Variants in WDR27 observed in about 807,000 individuals in gnomAD.
The protein encoded by WDR27 is WD repeat domain 27.
WDR27 carries 100 observed loss-of-function variants against 114.4 expected under a neutral mutation model. The observed-to-expected ratio is 0.87, with a 90% confidence interval of 0.74 to 1.03. The LOEUF is 1.03. WDR27 is among the 50% of genes least tolerant of loss of function. The probability of loss-of-function intolerance (pLI) is 0.00; values close to 1 mark genes in which losing one functional copy is unlikely to be tolerated. For synonymous variants in WDR27, 449 were observed against 423.1 expected, an observed-to-expected ratio of 1.06 and a Z score of -0.75; for missense variants, 1,129 against 1,092.9, an observed-to-expected ratio of 1.03 and a Z score of -0.47.
chr6:169,539,050 C>A (rs1796529188), intron 25 of WDR27, among the ~76,000 whole-genome samples: 1 of 152,198 alleles, frequency 6.6e-6, no homozygotes, highest in African/African-American at 2.4e-5. Flanking sequence ...AGTCCCTTAT[C>A]ATTAATAAGC....
chr6:169,668,334 G>A, intron 4 of WDR27, 149 bp from the exon 5 acceptor site: 1 of 755,328 alleles, frequency 1.3e-6, no homozygotes, highest in Non-Finnish European at 2.1e-6. Flanking sequence ...ACTGACTGGA[G>A]CTAACCCTGA....
At chr6:169,484,362 G>A (rs1374279911) in intron 25 of WDR27, among the ~76,000 whole-genome samples, 1 of 152,102 alleles carries the variant, frequency 6.6e-6, no homozygotes, top group Non-Finnish European at 1.5e-5. Flanking sequence ...AATATCACTA[G>A]CATTCTTACA....
intron 2 of WDR27, among the ~76,000 whole-genome samples, chr6:169,680,002 CA>C (rs1781094581): frequency 6.6e-6 from 1 of 152,088 alleles, no homozygotes; most frequent in Non-Finnish European, 1.5e-5. Flanking sequence ...AGAAGAGCAA[CA>C]TATTAAAAAC....
chr6:169,670,490 C>G (rs1778418084), intron 4 of WDR27, 79 bp downstream of exon 4: 1 of 1,552,890 alleles, frequency 6.4e-7, no homozygotes, highest in Non-Finnish European at 8.8e-7. Context: ...AAAGAAAAGA[C>G]CGCTGGGCAA....
Position 169,674,568 on chromosome 6 carries a change from A to ACC in WDR27, c.190-2173_190-2172insGG, listed in dbSNP as rs1779594248. On this transcript the variant is annotated intron_variant, in intron 2 of 25. Transcript: ENST00000448612. The stretch of plus-strand genomic sequence containing the variant: ...AAAAATACATTCATAACCATGAAAG[A>ACC]GTATCAGTGAGCTGTGGGAAACTTC... 5.3e-5 allele frequency among the ~76,000 whole-genome samples: 8 copies of ACC among 152,370 alleles called. No homozygotes were observed. In the South Asian group the frequency reaches 1.4e-3, roughly 28 times the overall value.
intron 22 of WDR27, among the ~76,000 whole-genome samples, chr6:169,611,104 C>T (rs1241537008): frequency 6.6e-6 from 1 of 151,986 alleles, no homozygotes; most frequent in East Asian, 1.9e-4. Context: ...GGGTCCTTGC[C>T]ATGAATGGAG....
intron 25 of WDR27, among the ~76,000 whole-genome samples, chr6:169,549,734 A>C (rs1435328521): frequency 2.0e-5 from 3 of 152,218 alleles, no homozygotes; most frequent in Non-Finnish European, 4.4e-5. Context: ...ACACAGAGGA[A>C]GCTTAAACAC....
intron 25 of WDR27, among the ~76,000 whole-genome samples, chr6:169,518,228 A>C (rs1402672959): frequency 6.6e-6 from 1 of 152,164 alleles, no homozygotes; most frequent in African/African-American, 2.4e-5. Flanking sequence ...CCCCATTCCC[A>C]CAGCTCCACT....
At chr6:169,458,815 G>C (rs1371792409) in intron 25 of WDR27, among the ~76,000 whole-genome samples, 1 of 149,280 alleles carries the variant, frequency 6.7e-6, no homozygotes, top group African/African-American at 2.5e-5. Flanking sequence ...CAAAGGAAAA[G>C]AAAACAAAAG....
At chr6:169,526,915 T>A (rs1318272825) in intron 25 of WDR27, among the ~76,000 whole-genome samples, 3 of 152,180 alleles carry the variant, frequency 2.0e-5, no homozygotes, top group Admixed American at 2.0e-4. Flanking sequence ...ATATTCAACA[T>A]CATTAATTAT....
chr6:169,611,827 T>C (rs898581686), intron 22 of WDR27, among the ~76,000 whole-genome samples: 1 of 152,152 alleles, frequency 6.6e-6, no homozygotes, highest in African/African-American at 2.4e-5. Context: ...CATGGAGCTG[T>C]CATCTCCCTC....
chr6:169,481,521 G>A (rs901994765), intron 25 of WDR27, among the ~76,000 whole-genome samples: 10 of 152,128 alleles, frequency 6.6e-5, no homozygotes, highest in African/African-American at 1.4e-4. Context: ...CTCACTCTTC[G>A]GGTTCGTGGC....
At chr6:169,494,323 C>T (rs1318820177) in intron 25 of WDR27, among the ~76,000 whole-genome samples, 2 of 152,218 alleles carry the variant, frequency 1.3e-5, no homozygotes, top group Admixed American at 1.3e-4. Flanking sequence ...TGCTTGACTA[C>T]CTTGAGCTAG....
intron 25 of WDR27, among the ~76,000 whole-genome samples, chr6:169,506,811 C>T (rs1482990454): frequency 6.6e-6 from 1 of 152,188 alleles, no homozygotes; most frequent in African/African-American, 2.4e-5. Flanking sequence ...ACAGATATTT[C>T]CACATGTGGC....
chr6:169,558,544 G>A (rs892703254), intron 25 of WDR27: 4 of 152,050 alleles, frequency 2.6e-5, no homozygotes, highest in African/African-American at 7.2e-5. Flanking sequence ...GGCAGTCATC[G>A]GGATGGCGGC....
intron 21 of WDR27, among the ~76,000 whole-genome samples, chr6:169,630,370 G>C (rs371134130): frequency 6.6e-6 from 1 of 152,102 alleles, no homozygotes; most frequent in African/African-American, 2.4e-5. Flanking sequence ...TCAAATCGGC[G>C]CATGTCAAGT....
At chr6:169,689,672 C>T (rs1306564895) in intron 1 of WDR27, among the ~76,000 whole-genome samples, 2 of 152,230 alleles carry the variant, frequency 1.3e-5, no homozygotes, top group Admixed American at 6.5e-5. Flanking sequence ...AACTTCACAG[C>T]ATAATCACTT....
intron 1 of WDR27, among the ~76,000 whole-genome samples, chr6:169,700,220 C>G (rs897371870): frequency 1.6e-4 from 24 of 152,146 alleles, no homozygotes; most frequent in Non-Finnish European, 1.9e-4. Context: ...GGGCTCTGGA[C>G]CACGAGGAAC....
chr6:169,608,315 G>A (rs1431921973), intron 22 of WDR27, among the ~76,000 whole-genome samples: 1 of 152,116 alleles, frequency 6.6e-6, no homozygotes, highest in African/African-American at 2.4e-5. Context: ...GTAAAGATAT[G>A]GAACCAATCT....
Sources: gnomAD v4.1 joint callset for allele counts (sites outside exome capture counted in the v4.1 genomes callset) on GRCh38, gnomAD v4.1.1 for gene constraint, MANE v1.5 for transcripts, NCBI Gene and HGNC (gene_info 2026-07-23, HGNC 2026-07-21) for gene names.